NFIA: variants seen among roughly 807,000 people sequenced by gnomAD.
The protein encoded by NFIA is nuclear factor I A.
A neutral mutation model predicts 62.8 loss-of-function variants in NFIA; 8 were observed. The observed-to-expected ratio is 0.13, with a 90% confidence interval of 0.07 to 0.23. The LOEUF (loss-of-function observed/expected upper bound fraction) is 0.23. Among genes scored for constraint, NFIA ranks in the 10% least tolerant of loss-of-function variants. NFIA has a pLI of 1.00. For synonymous variants in NFIA, 235 were observed against 238.1 expected (o/e 0.99, Z 0.12); for missense variants, 410 against 642.1 (o/e 0.64, Z 3.91).
chr1:61,352,587 T>G lies in NFIA; in HGVS notation c.818+20T>G. On this transcript the variant is annotated intron_variant, in intron 5 of 10. Transcript: ENST00000403491. ...TACGAGGTAATTTTATTGGCAGCTC[T>G]TGAAGAAATTATGCTACATGGTTGC... The G allele has an allele frequency of 2.3e-5, 35 of 1,554,140 alleles. No individual in the cohort carries two copies. Among genetic ancestry groups the G allele is most frequent in the Non-Finnish European group, 2.8e-5 (32 of 1,125,630 alleles).
At chr1:61,181,465 G>C (rs1268249076) in intron 2 of NFIA, among the ~76,000 whole-genome samples, 4 of 152,150 alleles carry the variant, frequency 2.6e-5, no homozygotes, top group Non-Finnish European at 5.9e-5. Context: ...TTTTTATTTA[G>C]AAGGTACATT....
rs774297484 is a variant in NFIA, at chr1:61,306,269, CTTTTTTTTTTT to C, written c.626-26228_626-26218del. 4.1e-4 allele frequency among the ~76,000 whole-genome samples: 25 copies of C among 60,626 alleles called. 2 individuals are homozygous for C. The highest frequency in any genetic ancestry group is 7.7e-4 in the African/African-American group (10 of 12,942). 39.8% of individuals were successfully genotyped at this position (60,626 alleles called of 152,430 possible). ...TCATCCTGGAGACCCAGATTTTGTTCTTTTTTTTTTTTTTTTTTTTTTTTTAAGACAGAGTC... is the reference window on the plus strand; with the variant it reads ...TCATCCTGGAGACCCAGATTTTGTTCTTTTTTTTTTTTTTAAGACAGAGTC... On this transcript the variant is annotated intron_variant, in intron 3 of 10. Coordinates refer to ENST00000403491, the MANE Select transcript of NFIA (RefSeq NM_001134673.4).
intron 9 of NFIA, among the ~76,000 whole-genome samples, chr1:61,414,163 A>G (rs1666248328): frequency 6.6e-6 from 1 of 151,872 alleles, no homozygotes; most frequent in Admixed American, 6.6e-5. Flanking sequence ...TTGTATTTTT[A>G]GTTAAGACAG....
At chr1:61,418,103 T>C (rs556917478) in intron 9 of NFIA, among the ~76,000 whole-genome samples, 1 of 152,342 alleles carries the variant, frequency 6.6e-6, no homozygotes, top group East Asian at 1.9e-4. Context: ...AAAAGTATTA[T>C]TTGAGATTTT....
At chr1:61,423,709 T>A (rs1666739260) in intron 9 of NFIA, among the ~76,000 whole-genome samples, 1 of 152,208 alleles carries the variant, frequency 6.6e-6, no homozygotes, top group Non-Finnish European at 1.5e-5. Flanking sequence ...CAATTAAGGT[T>A]TTATTCAACA....
At chr1:61,353,492 AAAG>A (rs1662664364) in intron 5 of NFIA, among the ~76,000 whole-genome samples, 1 of 152,220 alleles carries the variant, frequency 6.6e-6, no homozygotes, top group Non-Finnish European at 1.5e-5. Flanking sequence ...CTGTGACAAC[AAAG>A]AATAGAATGG....
chr1:61,318,121 T>C (rs1269393082), intron 3 of NFIA, among the ~76,000 whole-genome samples: 1 of 152,174 alleles, frequency 6.6e-6, no homozygotes, highest in Non-Finnish European at 1.5e-5. Context: ...GATTCATATT[T>C]AGCCCTGAGT....
upstream of NFIA, chr1:61,077,698 G>T (rs1438694305): frequency 2.4e-6 from 3 of 1,266,218 alleles, no homozygotes; most frequent in African/African-American, 4.5e-5. Flanking sequence ...ATGGTAGAAT[G>T]ATTTTGTTTA....
upstream of NFIA, chr1:61,082,369 C>T (rs1160988512): frequency 2.2e-5 from 12 of 551,554 alleles, no homozygotes; most frequent in East Asian, 1.5e-4. Flanking sequence ...TCCCCCACAC[C>T]CCCTCCCCCC....
chr1:61,112,857 T>C (rs181401395), intron 2 of NFIA, among the ~76,000 whole-genome samples: 33 of 152,324 alleles, frequency 2.2e-4, no homozygotes, highest in African/African-American at 7.0e-4. Flanking sequence ...CTTGCATTAA[T>C]TACATCGTGC....
intron 2 of NFIA, among the ~76,000 whole-genome samples, chr1:61,136,945 A>G (rs942718180): frequency 2.6e-5 from 4 of 152,250 alleles, no homozygotes; most frequent in Non-Finnish European, 5.9e-5. Context: ...CACTTGGTAC[A>G]ATGCCTGGCA....
At chr1:61,353,983 A>C (rs1662690733) in intron 5 of NFIA, among the ~76,000 whole-genome samples, 2 of 152,198 alleles carry the variant, frequency 1.3e-5, no homozygotes, top group Non-Finnish European at 2.9e-5. Flanking sequence ...AAGCTTTGCA[A>C]ATACCTGTGG....
chr1:61,294,386 T>TCG (rs771349499), intron 3 of NFIA, among the ~76,000 whole-genome samples: 5 of 152,230 alleles, frequency 3.3e-5, no homozygotes, highest in African/African-American at 7.2e-5. Flanking sequence ...GCCTTGATGT[T>TCG]CGGTTCCTTG....
At chr1:61,277,391 G>T (rs142199705) in intron 2 of NFIA, 129 bp from the exon 3 acceptor site, 5 of 774,626 alleles carry the variant, frequency 6.5e-6, no homozygotes, top group East Asian at 2.7e-5. Context: ...TTTTTTTCAT[G>T]TCTCATGTCA....
At chr1:61,130,323 A>G (rs1647052067) in intron 2 of NFIA, among the ~76,000 whole-genome samples, 1 of 152,166 alleles carries the variant, frequency 6.6e-6, no homozygotes, top group Non-Finnish European at 1.5e-5. Context: ...TGTACAACAG[A>G]CAGATGTCAT....
chr1:61,407,991 T>C (rs965040526), intron 9 of NFIA, among the ~76,000 whole-genome samples: 1 of 151,912 alleles, frequency 6.6e-6, no homozygotes, highest in Non-Finnish European at 1.5e-5. Context: ...GAGCCCCTGT[T>C]TATGCCATGT....
rs1664854245 is a variant in NFIA at position 61,389,333 on chromosome 1, T to C, written c.1075+5968T>C. ...GTCAGCTTATCCTGCCACTTTTTCA[T>C]AGGATCTTCTGCAGCACAATCAGAC... is the stretch of plus-strand genomic sequence containing the variant. On this transcript the variant is annotated intron_variant, in intron 7 of 10. Coordinates refer to ENST00000403491, the MANE Select transcript of NFIA (RefSeq NM_001134673.4). Among the ~76,000 whole-genome samples, 3 of 152,220 alleles carry C rather than the reference T, an allele frequency of 2.0e-5. No individual in the cohort carries two copies. In the South Asian group the frequency reaches 6.2e-4, roughly 32 times the overall value.
At chr1:61,196,898 A>AGTGTGTGTGT (rs3030264) in intron 2 of NFIA, among the ~76,000 whole-genome samples, 3 of 148,550 alleles carry the variant, frequency 2.0e-5, no homozygotes, top group South Asian at 2.2e-4. Context: ...ACCTTAAAGG[A>AGTGTGTGTGT]GTGTGTGTGT....
chr1:61,283,402 C>T (rs1398283935), intron 3 of NFIA, among the ~76,000 whole-genome samples: 1 of 148,920 alleles, frequency 6.7e-6, no homozygotes, highest in African/African-American at 2.5e-5. Flanking sequence ...AAAACCCGGT[C>T]TCTACTAAAA....
Sources: gnomAD v4.1 joint callset for allele counts (sites outside exome capture counted in the v4.1 genomes callset) on GRCh38, gnomAD v4.1.1 for gene constraint, MANE v1.5 for transcripts, NCBI Gene and HGNC (gene_info 2026-07-23, HGNC 2026-07-21) for gene names.